The following CRACD variants were observed in gnomAD, a reference collection of about 807,000 sequenced individuals.
The protein encoded by CRACD is capping protein-inhibiting regulator of actin dynamics.
Under a neutral mutation model 106.8 loss-of-function variants are expected in CRACD, and 56 were observed. The observed-to-expected ratio is 0.52, with a 90% CI of 0.42 to 0.66. CRACD has a LOEUF of 0.66. CRACD is among the 30% of genes least tolerant of loss of function. CRACD has a pLI of 0.00. For missense variants in CRACD, 1,730 were observed against 1,623.2 expected, an observed-to-expected ratio of 1.07 and a Z score of -1.13; for synonymous variants, 754 against 670.8, an observed-to-expected ratio of 1.12 and a Z score of -1.92.
intron 1 of CRACD, among the ~76,000 whole-genome samples, chr4:56,137,774 G>A (rs954422037): frequency 6.6e-6 from 1 of 152,176 alleles, no homozygotes; most frequent in Non-Finnish European, 1.5e-5. Context: ...GATCACCTGA[G>A]CCCAGGAGTT....
intron 2 of CRACD, among the ~76,000 whole-genome samples, chr4:56,264,142 A>G (rs2109623491): frequency 1.3e-5 from 2 of 152,234 alleles, no homozygotes; most frequent in Middle Eastern, 6.8e-3. Context: ...AAACAACCAG[A>G]TCTTATGAGA....
At chr4:56,189,311 G>T (rs138364134) in intron 2 of CRACD, among the ~76,000 whole-genome samples, 1 of 152,106 alleles carries the variant, frequency 6.6e-6, no homozygotes, top group East Asian at 1.9e-4. Context: ...ATTATCCATA[G>T]CATAACTCCT....
intron 2 of CRACD, among the ~76,000 whole-genome samples, chr4:56,233,325 C>A (rs1739755802): frequency 6.6e-6 from 1 of 151,568 alleles, no homozygotes; most frequent in Non-Finnish European, 1.5e-5. Context: ...ATTTCCCAGG[C>A]TGAACACCTG....
chr4:56,326,703 G>A (rs1746469429), intron 10 of CRACD, among the ~76,000 whole-genome samples: 1 of 151,656 alleles, frequency 6.6e-6, no homozygotes, highest in South Asian at 2.1e-4. Flanking sequence ...AGACTCAGAG[G>A]TAGAGGCACC....
intron 2 of CRACD, among the ~76,000 whole-genome samples, chr4:56,246,062 G>A (rs1446102392): frequency 1.6e-4 from 25 of 152,208 alleles, no homozygotes; most frequent in Admixed American, 1.6e-3. Flanking sequence ...GCCACAGCCT[G>A]AAGGGTACCT....
At chr4:56,092,788 G>A (rs931341958) in intron 1 of CRACD, among the ~76,000 whole-genome samples, 4 of 151,936 alleles carry the variant, frequency 2.6e-5, no homozygotes, top group Non-Finnish European at 5.9e-5. Flanking sequence ...TTTATTTTAT[G>A]TAGAGTCAGA....
intron 1 of CRACD, among the ~76,000 whole-genome samples, chr4:56,157,519 A>G (rs767140097): frequency 9.2e-5 from 14 of 152,148 alleles, no homozygotes; most frequent in Non-Finnish European, 1.8e-4. Flanking sequence ...TCCATCCACT[A>G]TTTTTTGAAT....
At chr4:56,071,849 C>CG (rs994071308) in intron 1 of CRACD, among the ~76,000 whole-genome samples, 1 of 148,772 alleles carries the variant, frequency 6.7e-6, no homozygotes, top group Non-Finnish European at 1.5e-5. Flanking sequence ...GAATTGGGGC[C>CG]GGGCGCGGTG....
At chr4:56,282,601 G>A (rs189026760) in intron 3 of CRACD, among the ~76,000 whole-genome samples, 1 of 152,188 alleles carries the variant, frequency 6.6e-6, no homozygotes, top group Admixed American at 6.5e-5. Context: ...GTTGGTTGAC[G>A]AAATGGCCCA....
At chr4:56,194,237 G>A (rs1270852520) in intron 2 of CRACD, among the ~76,000 whole-genome samples, 1 of 152,090 alleles carries the variant, frequency 6.6e-6, no homozygotes, top group Admixed American at 6.6e-5. Context: ...GCCAGGCCCA[G>A]GAAATTTCAA....
At chr4:56,167,450 T>A (rs1298591721) in intron 1 of CRACD, among the ~76,000 whole-genome samples, 2 of 152,210 alleles carry the variant, frequency 1.3e-5, no homozygotes, top group African/African-American at 4.8e-5. Flanking sequence ...TAACATATCA[T>A]CATCTCAAAT....
chr4:56,250,491 T>G (rs1461312625), intron 2 of CRACD, among the ~76,000 whole-genome samples: 1 of 152,194 alleles, frequency 6.6e-6, no homozygotes, highest in Non-Finnish European at 1.5e-5. Flanking sequence ...GCCCAAAGTC[T>G]CCTAGCTAGT....
At chr4:56,326,529 G>C (rs911096040) in intron 10 of CRACD, among the ~76,000 whole-genome samples, 1 of 152,152 alleles carries the variant, frequency 6.6e-6, no homozygotes, top group Admixed American at 6.5e-5. Context: ...TATTTCCTGA[G>C]TTCTAGAAGC....
chr4:56,099,483 A>G (rs1437257004), intron 1 of CRACD, among the ~76,000 whole-genome samples: 1 of 152,166 alleles, frequency 6.6e-6, no homozygotes, highest in Admixed American at 6.5e-5. Context: ...AGTATCCTTC[A>G]GCCGCTCACA....
chr4:56,261,774 G>A (rs867069128), intron 2 of CRACD, among the ~76,000 whole-genome samples: 2 of 152,300 alleles, frequency 1.3e-5, no homozygotes, highest in Admixed American at 6.5e-5. Flanking sequence ...GTTTTGAGAG[G>A]TGGGGGAGGA....
At chr4:56,296,920 G>GTTTTT (rs5858372) in intron 3 of CRACD, among the ~76,000 whole-genome samples, 2 of 131,632 alleles carry the variant, frequency 1.5e-5, no homozygotes, top group African/African-American at 5.8e-5. Context: ...TTTTTTGTTT[G>GTTTTT]TTTTTTTTTT....
chr4:56,144,556 T>C (rs1735311703), intron 1 of CRACD, among the ~76,000 whole-genome samples: 1 of 152,152 alleles, frequency 6.6e-6, no homozygotes, highest in African/African-American at 2.4e-5. Context: ...AATTTTTGCA[T>C]TTTTCCTGGT....
intron 1 of CRACD, among the ~76,000 whole-genome samples, chr4:56,137,234 T>C (rs1177335032): frequency 6.6e-6 from 1 of 151,464 alleles, no homozygotes; most frequent in Non-Finnish European, 1.5e-5. Context: ...ATCATGCTAC[T>C]GCACTCCAGG....
chr4:56,330,160 T>A lies in CRACD; in HGVS notation c.*2356T>A, dbSNP rs1423674595. On this transcript the variant is annotated 3_prime_UTR_variant, in exon 11 of 11. Coordinates refer to ENST00000682029, the MANE Select transcript of CRACD (RefSeq NM_001393381.1). ...TATAAAAAGTTCAAGACTTTTTTTT[T>A]AAATGAATGATCACTATGTTAAATG... Among the ~76,000 whole-genome samples the A allele has an allele frequency of 1.3e-5, 2 of 151,534 alleles. No homozygotes were observed. Among genetic ancestry groups the A allele is most frequent in the East Asian group, 1.9e-4 (1 of 5,174 alleles).
Sources: allele counts gnomAD v4.1 joint callset (sites outside exome capture counted in the v4.1 genomes callset), GRCh38; gene constraint gnomAD v4.1.1; transcripts MANE v1.5; gene names NCBI Gene and HGNC (gene_info 2026-07-23, HGNC 2026-07-21).